Variants in LTN1 observed in about 807,000 individuals in gnomAD.
The protein encoded by LTN1 is E3 ubiquitin-protein ligase listerin.
LTN1 carries 88 observed loss-of-function variants against 201.2 expected under a neutral mutation model. The observed-to-expected ratio is 0.44, with a 90% CI of 0.37 to 0.52. LTN1 has a LOEUF of 0.52. LTN1 is among the 20% of genes least tolerant of loss of function. LTN1 has a pLI of 0.00. For synonymous variants in LTN1, 645 were observed against 713.5 expected (o/e 0.90, Z 1.53); for missense variants, 1,752 against 2,038.7 (o/e 0.86, Z 2.71).
chr21:28,952,356 T>C (rs1464194051), intron 17 of LTN1, 92 bp from the exon 18 acceptor site: 1 of 709,644 alleles, frequency 1.4e-6, no homozygotes, highest in East Asian at 2.7e-5. Flanking sequence ...TTTTACAGAA[T>C]TAAATAAAGC....
At chr21:28,975,641 G>T (rs2084609373) in intron 6 of LTN1, among the ~76,000 whole-genome samples, 1 of 152,124 alleles carries the variant, frequency 6.6e-6, no homozygotes, top group Non-Finnish European at 1.5e-5. Flanking sequence ...AACAAAAACA[G>T]ATGTGCCAGA....
chr21:28,981,736 C>T (rs1196745644), intron 5 of LTN1, among the ~76,000 whole-genome samples: 1 of 152,196 alleles, frequency 6.6e-6, no homozygotes, highest in Non-Finnish European at 1.5e-5. Flanking sequence ...CTTCCTCCTA[C>T]AACTGTCAAA....
intron 26 of LTN1, among the ~76,000 whole-genome samples, chr21:28,936,299 T>C (rs1008265660): frequency 1.3e-5 from 2 of 152,192 alleles, no homozygotes; most frequent in Admixed American, 6.5e-5. Flanking sequence ...CAAAAGTTAA[T>C]AGTCTCACCA....
chr21:28,981,439 C>T (rs780681571), intron 5 of LTN1, 140 bp from the exon 6 acceptor site: 4 of 449,866 alleles, frequency 8.9e-6, no homozygotes, highest in Non-Finnish European at 1.2e-5. Flanking sequence ...CCTGTGCCAA[C>T]GCCCCTCAAA....
At chr21:28,947,980 C>G (rs1210565202) in intron 18 of LTN1, among the ~76,000 whole-genome samples, 1 of 151,028 alleles carries the variant, frequency 6.6e-6, no homozygotes, top group African/African-American at 2.4e-5. Context: ...ATCATGAGGT[C>G]AGGCGTTTGA....
At position 28,930,447 on chromosome 21, in the gene LTN1, C is replaced by T. The variant is rs1470695639; in HGVS notation, c.*1G>A. On this transcript the variant is annotated 3_prime_UTR_variant, in exon 30 of 30. Coordinates refer to ENST00000361371, the MANE Select transcript of LTN1 (RefSeq NM_015565.3). ...AGGGATCCCTTCCAGTGAAAAAAATCTCAGAAAAACGTCTCACGACACAGT... is the reference window on the plus strand; with the variant it reads ...AGGGATCCCTTCCAGTGAAAAAAATTTCAGAAAAACGTCTCACGACACAGT... 3 of 1,610,496 alleles carry T rather than the reference C, an allele frequency of 1.9e-6. No homozygotes were observed. The highest frequency in any genetic ancestry group is 2.2e-5 in the South Asian group (2 of 90,750).
At chr21:28,932,401 T>C (rs2084217736) in intron 28 of LTN1, 69 bp downstream of exon 28, 1 of 1,223,196 alleles carries the variant, frequency 8.2e-7, no homozygotes, top group Admixed American at 2.1e-5. Context: ...ATATTTTATG[T>C]TTAAATGCCC....
chr21:28,949,175 C>A (rs925070040), intron 18 of LTN1, among the ~76,000 whole-genome samples: 3 of 152,166 alleles, frequency 2.0e-5, no homozygotes, highest in Admixed American at 6.5e-5. Flanking sequence ...CTATGAATTG[C>A]CTCTTTAAGT....
chr21:28,931,133 G>C (rs2084207993), intron 29 of LTN1, 22 bp downstream of exon 29: 1 of 1,529,276 alleles, frequency 6.5e-7, no homozygotes, highest in South Asian at 1.1e-5. Flanking sequence ...ATATAAGTAA[G>C]TTAATTTCTC....
At chr21:28,939,400 C>T (rs1032142974) in intron 25 of LTN1, among the ~76,000 whole-genome samples, 3 of 152,238 alleles carry the variant, frequency 2.0e-5, no homozygotes, top group African/African-American at 7.2e-5. Context: ...TGTGCAATAT[C>T]TCAGTAAAGC....
intron 1 of LTN1, among the ~76,000 whole-genome samples, chr21:28,989,805 A>G (rs1311906823): frequency 6.6e-6 from 1 of 152,104 alleles, no homozygotes; most frequent in African/African-American, 2.4e-5. Flanking sequence ...ACTTCAGGCC[A>G]AGAGTTTGAG....
chr21:28,964,615 A>G, intron 11 of LTN1: 2 of 1,549,282 alleles, frequency 1.3e-6, no homozygotes, highest in Non-Finnish European at 1.7e-6. Context: ...ATATCTAATG[A>G]AAGAAGCTGC....
At position 28,930,388 on chromosome 21, in the gene LTN1, G is replaced by T; in HGVS notation, c.*60C>A. 1 of 1,321,276 alleles carries T rather than the reference G, an allele frequency of 7.6e-7. No homozygotes were observed. Among genetic ancestry groups the T allele is most frequent in the Non-Finnish European group, 1.1e-6 (1 of 922,040 alleles). 81.8% of individuals were successfully genotyped at this position (1,321,276 alleles called of 1,614,324 possible). On this transcript the variant is annotated 3_prime_UTR_variant, in exon 30 of 30. Transcript: ENST00000361371. ...TTCCCCACATCCACACTTTCAGACG[G>T]ATCCAAATCCAATGCCTTTGTTTGA... is the stretch of plus-strand genomic sequence containing the variant.
In LTN1 at chr21:28,958,534, G is replaced by A; in HGVS notation, c.2599C>T (p.Leu867Phe). Residue 867 changes from leucine (L) to phenylalanine (F), a missense_variant, in exon 14 of 30, where the codon CTT (leucine) becomes TTT (phenylalanine). By Grantham distance (22) the Leu-to-Phe change is conservative. Transcript: ENST00000361371. ...SKEKTHLPDF[L>F]ICKLKNTWLS... ...CAAGTATTTTTCAGTTTACAGATAA[G>A]AAAATCTAAAATCAAGATGTCAACA... 1 of 1,591,128 alleles carries A rather than the reference G, an allele frequency of 6.3e-7. No homozygotes were observed. Among genetic ancestry groups the A allele is most frequent in the Non-Finnish European group, 8.5e-7 (1 of 1,171,960 alleles).
chr21:28,955,511 T>A (rs1277404223), intron 16 of LTN1, among the ~76,000 whole-genome samples: 8 of 152,088 alleles, frequency 5.3e-5, no homozygotes, highest in Admixed American at 5.2e-4. Context: ...TGCACCCCTA[T>A]ATTTGCTGCA....
intron 18 of LTN1, among the ~76,000 whole-genome samples, chr21:28,948,593 T>C (rs1445164812): frequency 6.6e-6 from 1 of 152,120 alleles, no homozygotes; most frequent in African/African-American, 2.4e-5. Flanking sequence ...TATTTGTGCA[T>C]ATATATAGTT....
At chr21:28,952,689 G>A (rs927176109) in intron 17 of LTN1, among the ~76,000 whole-genome samples, 2 of 152,218 alleles carry the variant, frequency 1.3e-5, no homozygotes, top group African/African-American at 4.8e-5. Context: ...GGAAGCCTGG[G>A]TCCTCTGATA....
At chr21:28,960,308 G>A (rs908545746) in intron 12 of LTN1, among the ~76,000 whole-genome samples, 9 of 148,108 alleles carry the variant, frequency 6.1e-5, no homozygotes, top group African/African-American at 2.3e-4. Context: ...TGTAAGCCAA[G>A]ATCACACCAC....
At chr21:28,958,742 T>C (rs181789673) in intron 13 of LTN1, among the ~76,000 whole-genome samples, 2 of 152,348 alleles carry the variant, frequency 1.3e-5, no homozygotes, top group East Asian at 3.9e-4. Flanking sequence ...GCACGTATCA[T>C]ATAAATGTAA....
Sources: allele counts gnomAD v4.1 joint callset (sites outside exome capture counted in the v4.1 genomes callset), GRCh38; gene constraint gnomAD v4.1.1; transcripts MANE v1.5; gene names NCBI Gene and HGNC (gene_info 2026-07-23, HGNC 2026-07-21).